LRRC7: variants seen among roughly 807,000 people sequenced by gnomAD.
The protein encoded by LRRC7 is leucine-rich repeat-containing protein 7.
LRRC7 carries 23 observed loss-of-function variants against 175.7 expected under a neutral mutation model. That is an observed-to-expected ratio of 0.13 (90% CI 0.09 to 0.19). The LOEUF is 0.19. LRRC7 is among the 10% of genes least tolerant of loss of function. LRRC7 has a pLI of 1.00. For missense variants in LRRC7, 1,354 were observed against 1,904.7 expected (o/e 0.71, Z 5.38); for synonymous variants, 685 against 680.9 (o/e 1.01, Z -0.09).
At chr1:69,830,256 A>C (rs1216123149) in intron 5 of LRRC7, among the ~76,000 whole-genome samples, 1 of 151,778 alleles carries the variant, frequency 6.6e-6, no homozygotes, top group Non-Finnish European at 1.5e-5. Flanking sequence ...CAGTACATCT[A>C]TGGGGTGGAT....
At chr1:69,811,465 G>A (rs914848540) in intron 4 of LRRC7, among the ~76,000 whole-genome samples, 1 of 152,058 alleles carries the variant, frequency 6.6e-6, no homozygotes, top group African/African-American at 2.4e-5. Context: ...AAAGACACAT[G>A]GACACGTATG....
chr1:70,017,583 C>G (rs1021169857), intron 14 of LRRC7, among the ~76,000 whole-genome samples: 1 of 152,016 alleles, frequency 6.6e-6, no homozygotes, highest in African/African-American at 2.4e-5. Context: ...GAATTTAGCT[C>G]ATCATTATTT....
chr1:70,010,984 A>G (rs912100799), intron 11 of LRRC7, among the ~76,000 whole-genome samples: 8 of 152,228 alleles, frequency 5.3e-5, no homozygotes, highest in Non-Finnish European at 1.2e-4. Context: ...ATTACTTGTC[A>G]TGGAAGAATA....
chr1:69,779,885 A>C (rs1569777894), intron 3 of LRRC7, among the ~76,000 whole-genome samples: 1 of 152,002 alleles, frequency 6.6e-6, no homozygotes, highest in Non-Finnish European at 1.5e-5. Context: ...GTCCAGTACT[A>C]TACCTGTCCC....
At chr1:70,022,330 A>G (rs900416130) in intron 16 of LRRC7, 3 of 152,190 alleles carry the variant, frequency 2.0e-5, no homozygotes, top group South Asian at 2.1e-4. Flanking sequence ...GATGCATTCT[A>G]TACCGGACTT....
At chr1:69,607,798 T>C (rs1647859323) in intron 1 of LRRC7, 1 of 152,168 alleles carries the variant, frequency 6.6e-6, no homozygotes, top group Non-Finnish European at 1.5e-5. Flanking sequence ...TCAACTAGAA[T>C]AGTCAATATC....
chr1:70,023,136 G>C lies in LRRC7; in HGVS notation c.1556G>C (p.Cys519Ser). The change falls in exon 17 of 27, where the codon TGC becomes TCC. Residue 519 changes from cysteine (C) to serine (S), a missense_variant. By Grantham distance (112) the Cys-to-Ser change is moderately radical. Transcript: ENST00000651989. ...ENAGKVKDLS[C>S]QAPWERGQRG... ...TTCCTTCTCCCACAGGATCTCTCCT[G>C]CCAAGCCCCCTGGGAAAGGGGCCAG... 2 of 1,433,810 alleles carry C rather than the reference G, an allele frequency of 1.4e-6. No individual in the cohort carries two copies. The highest frequency in any genetic ancestry group is 1.9e-6 in the Non-Finnish European group (2 of 1,077,338). The allele number at this position is 1,433,810 out of a possible 1,614,324, so 88.8% of individuals were successfully genotyped here. A position where few individuals can be genotyped will look rare whatever the true frequency, so the allele number is the denominator to read the frequency against.
intron 21 of LRRC7, among the ~76,000 whole-genome samples, chr1:70,042,556 G>A (rs750343209): frequency 2.0e-5 from 3 of 152,180 alleles, no homozygotes; most frequent in Admixed American, 1.3e-4. Flanking sequence ...CTAGATAAAA[G>A]ATGCTTGTTT....
At chr1:69,835,051 TTTACATGACA>T (rs1421118286) in intron 6 of LRRC7, among the ~76,000 whole-genome samples, 182 bp downstream of exon 6, 3 of 151,876 alleles carry the variant, frequency 2.0e-5, no homozygotes, top group Non-Finnish European at 4.4e-5. Flanking sequence ...AAATTAGGCC[TTTACATGACA>T]TTAATAGTCA....
At chr1:69,906,890 G>T (rs1646334182) in intron 7 of LRRC7, among the ~76,000 whole-genome samples, 1 of 152,110 alleles carries the variant, frequency 6.6e-6, no homozygotes, top group Admixed American at 6.5e-5. Context: ...TCCTACCTAT[G>T]AGCATGGAAT....
At chr1:69,729,635 G>T (rs1236536185) in intron 2 of LRRC7, among the ~76,000 whole-genome samples, 1 of 152,224 alleles carries the variant, frequency 6.6e-6, no homozygotes. Context: ...TGCCCCTGTG[G>T]CTTTGCAGGT....
rs751803973 is a variant in LRRC7, at chr1:69,992,704, ATT to A, written c.932-1856_932-1855del. Among the ~76,000 whole-genome samples, 95 of 152,292 alleles carry A rather than the reference ATT, an allele frequency of 6.2e-4. 1 individual carries two copies. Among genetic ancestry groups the A allele is most frequent in the Non-Finnish European group, 1.2e-3 (79 of 68,012 alleles). On this transcript the variant is annotated intron_variant, in intron 10 of 26. Coordinates refer to ENST00000651989, the MANE Select transcript of LRRC7 (RefSeq NM_001370785.2). ...AGACTTGGAGCTGAGCAGGAACTAA[ATT>A]GCTTCAACCTTTAAAGATATTGAAA...
intron 1 of LRRC7, among the ~76,000 whole-genome samples, chr1:69,650,524 A>G (rs1655655668): frequency 7.0e-6 from 1 of 142,138 alleles, no homozygotes; most frequent in Non-Finnish European, 1.5e-5. Flanking sequence ...TGGGCGAAAA[A>G]GAGAGACTCC....
chr1:69,717,782 GA>G (rs1255197979), intron 2 of LRRC7, among the ~76,000 whole-genome samples: 1 of 17,154 alleles, frequency 5.8e-5, no homozygotes, highest in African/African-American at 3.0e-4. Flanking sequence ...AAGAAAGAAA[GA>G]AAGAAAGAAA....
chr1:69,592,711 T>C (rs1438792018), intron 1 of LRRC7, among the ~76,000 whole-genome samples: 1 of 152,132 alleles, frequency 6.6e-6, no homozygotes, highest in Non-Finnish European at 1.5e-5. Flanking sequence ...TAACAGCTAA[T>C]ATTTTCATTT....
intron 7 of LRRC7, among the ~76,000 whole-genome samples, chr1:69,913,376 A>C (rs1646589801): frequency 6.6e-6 from 1 of 152,202 alleles, no homozygotes. Flanking sequence ...TTTAAGATAT[A>C]GTATTAACTA....
At chr1:69,963,494 A>G (rs1407664296) in intron 8 of LRRC7, among the ~76,000 whole-genome samples, 1 of 152,150 alleles carries the variant, frequency 6.6e-6, no homozygotes, top group Non-Finnish European at 1.5e-5. Context: ...ATGATATGGC[A>G]AAGGCCTAGT....
intron 2 of LRRC7, among the ~76,000 whole-genome samples, chr1:69,751,949 G>A (rs2100900722): frequency 6.6e-6 from 1 of 152,140 alleles, no homozygotes. Context: ...CATTGATCTT[G>A]GTGAAGAAAA....
intron 7 of LRRC7, among the ~76,000 whole-genome samples, chr1:69,918,092 T>G (rs369907755): frequency 6.6e-6 from 1 of 152,210 alleles, no homozygotes; most frequent in Non-Finnish European, 1.5e-5. Context: ...ACTTTTATCG[T>G]GGCACTTGTC....
Sources: allele counts gnomAD v4.1 joint callset (sites outside exome capture counted in the v4.1 genomes callset), GRCh38; gene constraint gnomAD v4.1.1; transcripts MANE v1.5; gene names NCBI Gene and HGNC (gene_info 2026-07-23, HGNC 2026-07-21).